ARPC4: variants seen among roughly 807,000 people sequenced by gnomAD.
ARPC4 encodes the protein actin-related protein 2/3 complex subunit 4.
Under a neutral mutation model 22.8 loss-of-function variants are expected in ARPC4, and 3 were observed. The ratio of observed to expected loss-of-function variants is 0.13; its 90% confidence interval spans 0.06 to 0.34. The LOEUF (loss-of-function observed/expected upper bound fraction) is 0.34, where lower values mean the gene tolerates loss of function less well. ARPC4 is among the 10% of genes least tolerant of loss of function. The pLI is 1.00. For synonymous variants in ARPC4, 80 were observed against 72.5 expected, an observed-to-expected ratio of 1.10 and a Z score of -0.52; for missense variants, 98 against 211.0, an observed-to-expected ratio of 0.46 and a Z score of 3.32.
chr3:9,793,680 G>C (rs1003110645), intron 1 of ARPC4, among the ~76,000 whole-genome samples: 1 of 152,182 alleles, frequency 6.6e-6, no homozygotes, highest in African/African-American at 2.4e-5. Context: ...GTCAGCCTTA[G>C]TGTATGTTAG....
At chr3:9,799,850 G>C (rs1356868800) in intron 2 of ARPC4, 1 of 487,204 alleles carries the variant, frequency 2.1e-6, no homozygotes, top group Non-Finnish European at 4.0e-6. Flanking sequence ...CACGCTATTA[G>C]ACATTTGACC....
intron 1 of ARPC4, among the ~76,000 whole-genome samples, chr3:9,796,940 C>CAAAAAAA (rs374104136): frequency 8.7e-6 from 1 of 114,714 alleles, no homozygotes; most frequent in Non-Finnish European, 1.7e-5. Flanking sequence ...GACTCTGTCT[C>CAAAAAAA]AAAAAAAAAA....
chr3:9,803,768 A>G, intron 4 of ARPC4, 75 bp from the exon 5 acceptor site: 3 of 1,467,970 alleles, frequency 2.0e-6, no homozygotes, highest in Non-Finnish European at 2.8e-6. Context: ...GGAGGACATG[A>G]CCAGCTCAGT....
intron 2 of ARPC4, among the ~76,000 whole-genome samples, chr3:9,798,470 C>T (rs1474606642): frequency 3.9e-5 from 6 of 152,086 alleles, no homozygotes; most frequent in African/African-American, 1.2e-4. Flanking sequence ...GCCTGTAGTC[C>T]CACTTCTCTG....
intron 5 of ARPC4, among the ~76,000 whole-genome samples, chr3:9,805,868 A>G (rs533489611): frequency 6.6e-6 from 1 of 152,302 alleles, no homozygotes; most frequent in Non-Finnish European, 1.5e-5. Flanking sequence ...GGCCCCTTGC[A>G]TGAGAGCCCC....
chr3:9,806,161 C>T (rs1157228276), intron 5 of ARPC4, 49 bp from the exon 6 acceptor site: 1 of 1,608,456 alleles, frequency 6.2e-7, no homozygotes, highest in South Asian at 1.1e-5. Flanking sequence ...GCAGTGCCAC[C>T]AGGATGCAAT....
chr3:9,795,041 T>C (rs2125636299), intron 1 of ARPC4, among the ~76,000 whole-genome samples: 1 of 152,332 alleles, frequency 6.6e-6, no homozygotes, highest in South Asian at 2.1e-4. Context: ...AGTCTCGCTC[T>C]GTCACCCAGG....
At chr3:9,801,860 C>G in intron 4 of ARPC4, 104 bp downstream of exon 4, 1 of 1,164,774 alleles carries the variant, frequency 8.6e-7, no homozygotes, top group Non-Finnish European at 1.2e-6. Context: ...GCACCCACTG[C>G]CTGAATTGAG....
At position 9,806,268 on chromosome 3, in the gene ARPC4, G is replaced by A. The variant is rs2079105293; in HGVS notation, c.*53G>A. ...CCCCTCAGACTACCCATGTCTCCAC[G>A]AAGGCGTCCTGGAGTCACTCCCCGA... On this transcript the variant is annotated 3_prime_UTR_variant, in exon 6 of 6. Transcript: ENST00000397261. 1.0e-5 allele frequency: 16 copies of A among 1,598,718 alleles called. No individual in the cohort carries two copies. The highest frequency in any genetic ancestry group is 1.3e-5 in the Non-Finnish European group (15 of 1,166,198).
At chr3:9,792,989 AC>A, upstream of ARPC4, 1 of 1,466,666 alleles carries the variant, frequency 6.8e-7, no homozygotes, top group Non-Finnish European at 9.0e-7. Flanking sequence ...AGGGCTCTCT[AC>A]CCCGCTCGGA....
chr3:9,802,583 GC>G, intron 4 of ARPC4, among the ~76,000 whole-genome samples: 1 of 151,476 alleles, frequency 6.6e-6, no homozygotes, highest in South Asian at 2.1e-4. Flanking sequence ...CACCATGTTA[GC>G]CAGGATGGTC....
rs569218420 is a variant in ARPC4 at position 9,796,798 on chromosome 3, G to A, written c.4-861G>A. The stretch of plus-strand genomic sequence containing the variant: ...CTACTAAAAATACAAAAAGTTAGCC[G>A]GGTGTGGTGGTGGGCGCCTGTAGTC... On this transcript the variant is annotated intron_variant, in intron 1 of 5. Transcript: ENST00000397261. 1.4e-4 allele frequency among the ~76,000 whole-genome samples: 21 copies of A among 151,932 alleles called. No individual in the cohort carries two copies. In the East Asian group the frequency reaches 3.7e-3, roughly 27 times the overall value.
intron 4 of ARPC4, among the ~76,000 whole-genome samples, chr3:9,803,121 G>C (rs1007550148): frequency 6.6e-6 from 1 of 152,114 alleles, no homozygotes; most frequent in South Asian, 2.1e-4. Context: ...CTGACCTTGT[G>C]ATCCGCCCAC....
chr3:9,804,068 T>C, intron 5 of ARPC4, 55 bp downstream of exon 5: 2 of 1,592,270 alleles, frequency 1.3e-6, no homozygotes, highest in African/African-American at 1.3e-5. Context: ...GGGGGTCATG[T>C]TGAGAACTTA....
rs914498562 is a variant in ARPC4 at position 9,797,736 on chromosome 3, C to T, written c.81C>T (p.Ser27=). The T allele has an allele frequency of 5.0e-6, 8 of 1,614,044 alleles. No homozygotes were observed. The African/African-American group carries it at 8.0e-5, about 16-fold the overall frequency. The change falls in exon 2 of 6, where the codon TCC becomes TCT. Residue 27 remains serine, a synonymous_variant. Coordinates refer to ENST00000397261, the MANE Select transcript of ARPC4 (RefSeq NM_005718.5). ...QAALCLENFS[S]QVVERHNKPE... ...CCCTCTGCCTGGAGAACTTCTCCTC[C>T]CAGGTTGTGGAACGACACAACAAGC...
chr3:9,792,911 A>C (rs767296180), upstream of ARPC4: 44 of 1,398,028 alleles, frequency 3.1e-5, no homozygotes, highest in Non-Finnish European at 4.0e-5. Flanking sequence ...TAGTGACTCG[A>C]GTGCAAGAAT....
chr3:9,797,999 C>T, intron 2 of ARPC4: 2 of 532,902 alleles, frequency 3.8e-6, no homozygotes, highest in Non-Finnish European at 6.7e-6. Flanking sequence ...TTGGTTAACA[C>T]AAGGTATGAC....
At position 9,806,486 on chromosome 3, in the gene ARPC4, T is replaced by C. The variant is rs2079108468; in HGVS notation, c.*271T>C. On this transcript the variant is annotated 3_prime_UTR_variant, in exon 6 of 6. Transcript: ENST00000397261. Reference sequence around the variant, plus strand: ...TTTTAACGTCTTGAAACTTAAACTCTGTGCTTGTAGGATACTGTAACCTTT... The same window carrying C: ...TTTTAACGTCTTGAAACTTAAACTCCGTGCTTGTAGGATACTGTAACCTTT... The C allele has an allele frequency of 3.6e-6, 2 of 554,254 alleles. No homozygotes were observed. Among genetic ancestry groups the C allele is most frequent in the Non-Finnish European group, 6.5e-6 (2 of 309,736 alleles). 34.3% of individuals were successfully genotyped at this position (554,254 alleles called of 1,614,324 possible).
chr3:9,806,282 G>T lies in ARPC4; in HGVS notation c.*67G>T, dbSNP rs891359856. On this transcript the variant is annotated 3_prime_UTR_variant, in exon 6 of 6. Coordinates refer to ENST00000397261, the MANE Select transcript of ARPC4 (RefSeq NM_005718.5). ...CATGTCTCCACGAAGGCGTCCTGGA[G>T]TCACTCCCCGAGCAGCGCGGCGGCG... The T allele has an allele frequency of 2.2e-5, 34 of 1,567,808 alleles. No homozygotes were observed. The Middle Eastern group carries it at 5.0e-4, about 23-fold the overall frequency.
Sources: gnomAD v4.1 joint callset for allele counts (sites outside exome capture counted in the v4.1 genomes callset) on GRCh38, gnomAD v4.1.1 for gene constraint, MANE v1.5 for transcripts, NCBI Gene and HGNC (gene_info 2026-07-23, HGNC 2026-07-21) for gene names.